MEIKIN: variants seen among roughly 807,000 people sequenced by gnomAD.
MEIKIN encodes meiotic kinetochore factor, also known as meiosis-specific kinetochore protein.
chr5:131,841,034 T>C (rs1561728897), intron 11 of MEIKIN, among the ~76,000 whole-genome samples: 2 of 152,190 alleles, frequency 1.3e-5, no homozygotes, highest in Non-Finnish European at 1.5e-5. Flanking sequence ...CTTTATCTTA[T>C]TTGATGGCCT....
intron 9 of MEIKIN, among the ~76,000 whole-genome samples, chr5:131,860,754 CTTTT>C (rs35117395): frequency 9.2e-4 from 47 of 51,006 alleles, no homozygotes; most frequent in African/African-American, 6.1e-4. Context: ...GCCTGTTTGG[CTTTT>C]TTTTTTTTTT....
intron 11 of MEIKIN, among the ~76,000 whole-genome samples, chr5:131,836,680 G>A (rs1340072671): frequency 6.7e-6 from 1 of 149,468 alleles, no homozygotes; most frequent in Non-Finnish European, 1.5e-5. Context: ...TACACTTTTT[G>A]GCCACATGTA....
Position 131,945,239 on chromosome 5 carries a change from T to C in MEIKIN, c.117A>G (p.Arg39=). Residue 39 remains arginine (R), a synonymous_variant, in exon 2 of 13, where the codon AGA becomes AGG. Transcript: ENST00000442687. ...TCGACAAGCCGTGCACTTTGCCTTT[T>C]CTCTTCGAACCTGAGAGAGGGCGGC... ...AKAEAPPGSK[R]KGKVHGLSKI... is the part of the protein sequence containing the mutation. The C allele has an allele frequency of 2.5e-6, 1 of 399,208 alleles. No individual in the cohort carries two copies. Among genetic ancestry groups the C allele is most frequent in the Non-Finnish European group, 4.4e-6 (1 of 226,182 alleles). The allele number at this position is 399,208 out of a possible 1,614,324, so 24.7% of individuals were successfully genotyped here. A position where few individuals can be genotyped will look rare whatever the true frequency, so the allele number is the denominator to read the frequency against.
rs542463593 is a variant in MEIKIN, at chr5:131,849,181, A to C, written c.975+2083T>G. ...GAGGTGACTGGATCATGGGAGTGGTACTTCACAGGGGTGGTCCCCAATTGT... is the reference window on the plus strand; with the variant it reads ...GAGGTGACTGGATCATGGGAGTGGTCCTTCACAGGGGTGGTCCCCAATTGT... On this transcript the variant is annotated intron_variant, in intron 11 of 12. Transcript: ENST00000442687. 1.2e-4 allele frequency among the ~76,000 whole-genome samples: 19 copies of C among 152,100 alleles called. No individual in the cohort carries two copies. In the South Asian group the frequency reaches 3.7e-3, roughly 30 times the overall value.
chr5:131,889,310 C>T (rs1451227654), intron 8 of MEIKIN, among the ~76,000 whole-genome samples: 1 of 152,102 alleles, frequency 6.6e-6, no homozygotes, highest in Non-Finnish European at 1.5e-5. Flanking sequence ...GCAGTATGGC[C>T]ACTTTCATGA....
At chr5:131,815,328 C>T (rs1193341805) in intron 12 of MEIKIN, among the ~76,000 whole-genome samples, 3 of 152,156 alleles carry the variant, frequency 2.0e-5, no homozygotes, top group Admixed American at 6.5e-5. Flanking sequence ...GCAGAGTTCT[C>T]CAGAGGGCTA....
intron 4 of MEIKIN, among the ~76,000 whole-genome samples, chr5:131,939,855 ATATATT>A (rs1263883609): frequency 6.6e-6 from 1 of 152,204 alleles, no homozygotes; most frequent in East Asian, 1.9e-4. Flanking sequence ...GACATTTCTC[ATATATT>A]TAAACTATGA....
At chr5:131,825,367 T>C (rs1465261486) in intron 11 of MEIKIN, among the ~76,000 whole-genome samples, 1 of 152,152 alleles carries the variant, frequency 6.6e-6, no homozygotes, top group Admixed American at 6.5e-5. Context: ...TCAGAAAAGC[T>C]GTTATACTCA....
At chr5:131,852,349 C>G (rs1486323461) in intron 10 of MEIKIN, among the ~76,000 whole-genome samples, 1 of 152,124 alleles carries the variant, frequency 6.6e-6, no homozygotes, top group East Asian at 1.9e-4. Context: ...CCCCTTCCAC[C>G]ATGATTGTAA....
At chr5:131,938,130 A>G (rs1369417451) in intron 4 of MEIKIN, among the ~76,000 whole-genome samples, 6 of 150,408 alleles carry the variant, frequency 4.0e-5, no homozygotes, top group African/African-American at 1.5e-4. Flanking sequence ...TTATTGAGAT[A>G]TAATTCACAT....
intron 8 of MEIKIN, among the ~76,000 whole-genome samples, chr5:131,890,094 T>C (rs1047464434): frequency 2.0e-5 from 3 of 152,194 alleles, no homozygotes; most frequent in African/African-American, 4.8e-5. Flanking sequence ...CTTTTTGATG[T>C]GCTGCTGGAT....
At chr5:131,875,278 T>C (rs1329098915) in intron 9 of MEIKIN, among the ~76,000 whole-genome samples, 2 of 152,214 alleles carry the variant, frequency 1.3e-5, no homozygotes, top group Middle Eastern at 3.2e-3. Context: ...CTTAAGCTGA[T>C]AGGCATCTTC....
intron 8 of MEIKIN, among the ~76,000 whole-genome samples, chr5:131,904,112 A>G (rs1354834763): frequency 6.6e-6 from 1 of 152,208 alleles, no homozygotes; most frequent in African/African-American, 2.4e-5. Context: ...ATTCAACAAG[A>G]AGACCTATCT....
intron 4 of MEIKIN, among the ~76,000 whole-genome samples, chr5:131,936,583 T>C (rs1016370611): frequency 6.6e-6 from 1 of 152,218 alleles, no homozygotes; most frequent in East Asian, 1.9e-4. Flanking sequence ...CTAAGTACTA[T>C]TTTGTTCCAA....
intron 11 of MEIKIN, among the ~76,000 whole-genome samples, chr5:131,826,893 C>T (rs529372485): frequency 6.6e-6 from 1 of 152,206 alleles, no homozygotes; most frequent in Admixed American, 6.5e-5. Flanking sequence ...CAGGTAGTAT[C>T]CTTATAGCAG....
At chr5:131,943,830 G>T (rs1751915521) in intron 3 of MEIKIN, among the ~76,000 whole-genome samples, 1 of 151,924 alleles carries the variant, frequency 6.6e-6, no homozygotes, top group African/African-American at 2.4e-5. Flanking sequence ...AAAAAAAATA[G>T]AACTTGGCCA....
chr5:131,935,267 C>CAAAAAAAAA (rs749135114), intron 4 of MEIKIN, among the ~76,000 whole-genome samples: 14 of 36,550 alleles, frequency 3.8e-4, no homozygotes, highest in Admixed American at 1.0e-3. Context: ...CCCGTCTCTA[C>CAAAAAAAAA]AAAAAAAAAA....
chr5:131,807,327 G>C, intron 12 of MEIKIN, 69 bp from the exon 13 acceptor site: 1 of 397,390 alleles, frequency 2.5e-6, no homozygotes. Context: ...CTAATAACCA[G>C]TCTGCAGGGG....
chr5:131,903,427 A>C (rs1468698546), intron 8 of MEIKIN, among the ~76,000 whole-genome samples: 1 of 152,196 alleles, frequency 6.6e-6, no homozygotes, highest in Admixed American at 6.5e-5. Flanking sequence ...TACAAAGGAA[A>C]TCCCATTAGG....
Sources: allele counts gnomAD v4.1 joint callset (sites outside exome capture counted in the v4.1 genomes callset), GRCh38; gene constraint gnomAD v4.1.1; transcripts MANE v1.5; gene names NCBI Gene and HGNC (gene_info 2026-07-23, HGNC 2026-07-21).